PRKCA: variants seen among roughly 807,000 people sequenced by gnomAD.
The protein encoded by PRKCA is protein kinase C alpha type.
Under a neutral mutation model 87.0 loss-of-function variants are expected in PRKCA, and 27 were observed. The observed-to-expected ratio is 0.31, with a 90% CI of 0.23 to 0.43. The LOEUF (loss-of-function observed/expected upper bound fraction) is 0.43, where lower values mean the gene tolerates loss of function less well. PRKCA is among the 20% of genes least tolerant of loss of function. The probability of loss-of-function intolerance (pLI) is 1.00; values close to 1 mark genes in which losing one functional copy is unlikely to be tolerated. For synonymous variants in PRKCA, 329 were observed against 311.1 expected (o/e 1.06, Z -0.61); for missense variants, 518 against 852.3 (o/e 0.61, Z 4.88).
chr17:66,727,066 G>A (rs1409076446), intron 8 of PRKCA, among the ~76,000 whole-genome samples: 2 of 152,106 alleles, frequency 1.3e-5, no homozygotes, highest in Admixed American at 1.3e-4. Flanking sequence ...AGAGCAACGG[G>A]ACATCTTTGG....
intron 2 of PRKCA, among the ~76,000 whole-genome samples, chr17:66,458,682 T>A (rs1388581018): frequency 6.6e-6 from 1 of 152,094 alleles, no homozygotes; most frequent in Non-Finnish European, 1.5e-5. Flanking sequence ...GGTTTCACCA[T>A]GTTGGCCAGG....
chr17:66,526,546 A>G (rs568002783), intron 3 of PRKCA, among the ~76,000 whole-genome samples: 1 of 152,274 alleles, frequency 6.6e-6, no homozygotes, highest in East Asian at 1.9e-4. Context: ...TCCCAGGGCT[A>G]AGGGGGCAAG....
intron 2 of PRKCA, among the ~76,000 whole-genome samples, chr17:66,463,924 G>A (rs1056380565): frequency 2.6e-5 from 4 of 152,154 alleles, no homozygotes; most frequent in Non-Finnish European, 5.9e-5. Context: ...CATTCTTGGT[G>A]TATCTTCTGT....
At chr17:66,802,075 G>A (rs1292771414) in intron 16 of PRKCA, among the ~76,000 whole-genome samples, 2 of 152,100 alleles carry the variant, frequency 1.3e-5, no homozygotes, top group African/African-American at 4.8e-5. Flanking sequence ...GCAAAAAATA[G>A]TCAGGTGTGG....
At chr17:66,727,787 C>A (rs1973792340) in intron 8 of PRKCA, among the ~76,000 whole-genome samples, 1 of 152,086 alleles carries the variant, frequency 6.6e-6, no homozygotes, top group Non-Finnish European at 1.5e-5. Flanking sequence ...GCTGGGTCTT[C>A]AGGAAGACAG....
chr17:66,437,478 T>C (rs1475250548), intron 2 of PRKCA, among the ~76,000 whole-genome samples: 2 of 152,192 alleles, frequency 1.3e-5, no homozygotes, highest in African/African-American at 4.8e-5. Context: ...AAAAAGCTTT[T>C]ATTTTAAAGA....
chr17:66,530,073 A>G (rs368994010), intron 3 of PRKCA, among the ~76,000 whole-genome samples: 6 of 152,048 alleles, frequency 3.9e-5, no homozygotes, highest in Non-Finnish European at 5.9e-5. Flanking sequence ...GTTCTTGGAA[A>G]ATGGATGATA....
At chr17:66,623,894 G>T (rs1021625860) in intron 3 of PRKCA, among the ~76,000 whole-genome samples, 1 of 152,066 alleles carries the variant, frequency 6.6e-6, no homozygotes, top group African/African-American at 2.4e-5. Flanking sequence ...AAGTGCAAAG[G>T]CCCTGAGGCA....
rs1976134753 is a variant in PRKCA at position 66,810,211 on chromosome 17, TTCC to T, written c.*6176_*6178del. On this transcript the variant is annotated 3_prime_UTR_variant, in exon 17 of 17. Coordinates refer to ENST00000413366, the MANE Select transcript of PRKCA (RefSeq NM_002737.3). ...CTCTGCTTAACTTTAGGAGTATCCA[TTCC>T]TGTGATTGTAGACTTTTGTTGATAT... The T allele has an allele frequency of 6.6e-6, 1 of 152,228 alleles. No homozygotes were observed. The highest frequency in any genetic ancestry group is 1.5e-5 in the Non-Finnish European group (1 of 68,040). The allele number at this position is 152,228 out of a possible 1,614,324, so 9.4% of individuals were successfully genotyped here. A position where few individuals can be genotyped will look rare whatever the true frequency, so the allele number is the denominator to read the frequency against.
chr17:66,422,697 C>T (rs574233352), intron 2 of PRKCA, among the ~76,000 whole-genome samples: 10 of 152,118 alleles, frequency 6.6e-5, no homozygotes, highest in East Asian at 1.9e-4. Flanking sequence ...TAAGAGAGCC[C>T]GTGTCAAACC....
In PRKCA at chr17:66,810,222, G is replaced by A. The variant is rs1190031831; in HGVS notation, c.*6185G>A. On this transcript the variant is annotated 3_prime_UTR_variant, in exon 17 of 17. Coordinates refer to ENST00000413366, the MANE Select transcript of PRKCA (RefSeq NM_002737.3). ...TTTAGGAGTATCCATTCCTGTGATT[G>A]TAGACTTTTGTTGATATTCTTCCTG... 1 of 152,136 alleles carries A rather than the reference G, an allele frequency of 6.6e-6. No individual in the cohort carries two copies. The highest frequency in any genetic ancestry group is 1.9e-4 in the East Asian group (1 of 5,196). The allele number at this position is 152,136 out of a possible 1,614,324, so 9.4% of individuals were successfully genotyped here.
At chr17:66,420,804 C>T (rs1912446838) in intron 2 of PRKCA, among the ~76,000 whole-genome samples, 1 of 152,116 alleles carries the variant, frequency 6.6e-6, no homozygotes, top group East Asian at 1.9e-4. Context: ...CAGTTTTGGA[C>T]TAAGAAGACA....
rs1976050386 is a variant in PRKCA, at chr17:66,807,171, C to T, written c.*3134C>T. On this transcript the variant is annotated 3_prime_UTR_variant, in exon 17 of 17. Transcript: ENST00000413366. The surrounding 1 kb of genome is among the most constrained non-coding windows in gnomAD (Gnocchi z 4.3). ...GGGGGATGCTTTGGGAAGTCCTTGC[C>T]CCTGAGCACTGCCTGATTGCCAGGG... 6.6e-6 allele frequency: 1 copy of T among 152,310 alleles called. No homozygotes were observed. 9.4% of individuals were successfully genotyped at this position (152,310 alleles called of 1,614,324 possible). A position where few individuals can be genotyped will look rare whatever the true frequency, so the allele number is the denominator to read the frequency against.
chr17:66,353,520 A>G (rs982205355), intron 2 of PRKCA, among the ~76,000 whole-genome samples: 19 of 152,174 alleles, frequency 1.2e-4, no homozygotes, highest in Admixed American at 4.6e-4. Flanking sequence ...GTTCAAGACC[A>G]GCCTGGCCAA....
intron 3 of PRKCA, among the ~76,000 whole-genome samples, chr17:66,543,142 C>T (rs1269218567): frequency 6.6e-6 from 1 of 152,136 alleles, no homozygotes; most frequent in African/African-American, 2.4e-5. Context: ...TAAATTTTGC[C>T]TGATAAATAA....
intron 2 of PRKCA, among the ~76,000 whole-genome samples, chr17:66,331,781 A>G (rs1906340096): frequency 6.6e-6 from 1 of 152,176 alleles, no homozygotes; most frequent in African/African-American, 2.4e-5. Context: ...AGAATGAGAA[A>G]GTCTTACGAG....
chr17:66,374,230 C>T (rs1005757639), intron 2 of PRKCA, among the ~76,000 whole-genome samples: 2 of 152,178 alleles, frequency 1.3e-5, no homozygotes, highest in Non-Finnish European at 2.9e-5. Context: ...CTAGCACCTC[C>T]AGCTCGCCCC....
intron 5 of PRKCA, among the ~76,000 whole-genome samples, chr17:66,684,389 G>A (rs990255532): frequency 1.3e-5 from 2 of 152,218 alleles, no homozygotes; most frequent in South Asian, 2.1e-4. Flanking sequence ...AATGCAGGCA[G>A]CCTTGCCCCA....
intron 5 of PRKCA, chr17:66,677,461 A>T (rs1246869769): frequency 6.6e-6 from 1 of 152,252 alleles, no homozygotes; most frequent in Non-Finnish European, 1.5e-5. Context: ...GCTATGCAAT[A>T]GACCTGAATA....
Sources: allele counts gnomAD v4.1 joint callset (sites outside exome capture counted in the v4.1 genomes callset), GRCh38; gene constraint gnomAD v4.1.1; non-coding constraint Gnocchi (gnomAD v3.1); transcripts MANE v1.5; gene names NCBI Gene and HGNC (gene_info 2026-07-23, HGNC 2026-07-21).